The following OMA1 variants were observed in gnomAD, a reference collection of about 807,000 sequenced individuals.
OMA1 encodes the protein metalloendopeptidase OMA1, mitochondrial.
A neutral mutation model predicts 30.9 loss-of-function variants in OMA1; 38 were observed. The ratio of observed to expected loss-of-function variants is 1.23; its 90% CI spans 0.95 to 1.61. OMA1 has a LOEUF of 1.61. Among genes scored for constraint, OMA1 ranks in the 40% most tolerant of loss-of-function variants. The pLI, the probability that OMA1 is intolerant of heterozygous loss-of-function variation, is 0.00. For missense variants in OMA1, 461 were observed against 349.2 expected (o/e 1.32, Z -2.55); for synonymous variants, 173 against 121.9 (o/e 1.42, Z -2.76).
chr1:58,499,349 G>A (rs1032873040), intron 8 of OMA1, among the ~76,000 whole-genome samples: 7 of 147,810 alleles, frequency 4.7e-5, no homozygotes, highest in Non-Finnish European at 8.9e-5. Context: ...GCCAGGCATT[G>A]TGGTACATTC....
intron 7 of OMA1, among the ~76,000 whole-genome samples, chr1:58,526,337 GA>G (rs962308678): frequency 5.0e-4 from 76 of 152,212 alleles, no homozygotes; most frequent in Admixed American, 4.8e-3. Flanking sequence ...TAAAACTTAT[GA>G]GAGGTTCAAA....
intron 1 of OMA1, among the ~76,000 whole-genome samples, chr1:58,542,942 G>A (rs1646644063): frequency 6.6e-6 from 1 of 151,740 alleles, no homozygotes; most frequent in African/African-American, 2.4e-5. Context: ...GGGTGCTATG[G>A]CTAAACAAAG....
intron 8 of OMA1, among the ~76,000 whole-genome samples, chr1:58,493,921 A>G (rs2100385742): frequency 6.8e-6 from 1 of 147,984 alleles, no homozygotes; most frequent in East Asian, 1.9e-4. Context: ...AAACTACTTT[A>G]AAGTTCATAT....
At position 58,539,115 on chromosome 1, in the gene OMA1, CCTGTCACA is replaced by C; in HGVS notation, c.172_179del (p.Cys58ValfsTer12). The C allele has an allele frequency of 1.1e-6, 1 of 872,944 alleles. No homozygotes were observed. Among genetic ancestry groups the C allele is most frequent in the Non-Finnish European group, 2.0e-6 (1 of 501,640 alleles). The allele number at this position is 872,944 out of a possible 1,614,324, so 54.1% of individuals were successfully genotyped here. ...GAAAGTTTCCAGGCAGAAAACTCCA[CCTGTCACA>C]CTGATTTACTCCCAGTCCCTGATAC... On this transcript the variant is annotated frameshift_variant, in exon 2 of 9. Coordinates refer to ENST00000371226, the MANE Select transcript of OMA1 (RefSeq NM_145243.5). LOFTEE classifies it high-confidence loss of function.
chr1:58,521,987 G>C (rs1342767838), intron 7 of OMA1, among the ~76,000 whole-genome samples: 1 of 152,100 alleles, frequency 6.6e-6, no homozygotes. Flanking sequence ...TATCTCCTTT[G>C]AACATAGGAT....
intron 3 of OMA1, among the ~76,000 whole-genome samples, chr1:58,534,786 A>C (rs904351465): frequency 5.3e-5 from 8 of 152,130 alleles, no homozygotes; most frequent in African/African-American, 1.9e-4. Context: ...AACACAAAAA[A>C]TTAGCCAGGC....
At chr1:58,540,823 A>C (rs192093722) in intron 1 of OMA1, among the ~76,000 whole-genome samples, 17 of 152,024 alleles carry the variant, frequency 1.1e-4, no homozygotes, top group Admixed American at 8.5e-4. Context: ...CAGAAAAAAA[A>C]AACACTTGAA....
chr1:58,539,006 A>C lies in OMA1; in HGVS notation c.289T>G (p.Cys97Gly), dbSNP rs1646561750. Residue 97 changes from cysteine to glycine, a missense_variant, in exon 2 of 9, where the codon TGT becomes GGT. Coordinates refer to ENST00000371226, the MANE Select transcript of OMA1 (RefSeq NM_145243.5). ...GAAAAAGCATCATTCCATACAGTACATTTGCTGGTAATCCTCCAAATTTCC... is the reference window on the plus strand; with the variant it reads ...GAAAAAGCATCATTCCATACAGTACCTTTGCTGGTAATCCTCCAAATTTCC... ...SKEIWRITSK[C>G]TVWNDAFSRQ... is the part of the protein sequence containing the mutation. 2 of 872,840 alleles carry C rather than the reference A, an allele frequency of 2.3e-6. No individual in the cohort carries two copies. The highest frequency in any genetic ancestry group is 1.7e-5 in the Admixed American group (1 of 59,156). 54.1% of individuals were successfully genotyped at this position (872,840 alleles called of 1,614,324 possible).
chr1:58,480,843 G>A lies in OMA1; in HGVS notation c.*122C>T. The A allele has an allele frequency of 1.6e-6, 1 of 632,978 alleles. No homozygotes were observed. The highest frequency in any genetic ancestry group is 2.7e-6 in the Non-Finnish European group (1 of 376,694). 39.2% of individuals were successfully genotyped at this position (632,978 alleles called of 1,614,324 possible). ...GAAGAATTTAGATAATATCTGTAAT[G>A]TACATGATTTGACCCTGAATATCCT... is the stretch of plus-strand genomic sequence containing the variant. On this transcript the variant is annotated 3_prime_UTR_variant, in exon 9 of 9. Transcript: ENST00000371226.
intron 7 of OMA1, among the ~76,000 whole-genome samples, chr1:58,522,755 T>G (rs780193949): frequency 6.6e-6 from 1 of 152,206 alleles, no homozygotes; most frequent in Non-Finnish European, 1.5e-5. Flanking sequence ...TATACTGTAT[T>G]CTTACAATAA....
At chr1:58,504,294 T>A (rs1227673555) in intron 8 of OMA1, among the ~76,000 whole-genome samples, 1 of 152,196 alleles carries the variant, frequency 6.6e-6, no homozygotes, top group Non-Finnish European at 1.5e-5. Context: ...CCCAATGTCT[T>A]CCTTGCTATT....
At chr1:58,506,302 T>G (rs1247662971) in intron 7 of OMA1, 93 bp from the exon 8 acceptor site, 2 of 667,662 alleles carry the variant, frequency 3.0e-6, no homozygotes, top group African/African-American at 3.6e-5. Context: ...CTATTATAAT[T>G]ATACTTTAAG....
intron 2 of OMA1, among the ~76,000 whole-genome samples, chr1:58,538,172 T>C (rs1055380689): frequency 1.3e-5 from 2 of 152,198 alleles, no homozygotes; most frequent in South Asian, 2.1e-4. Context: ...AAACAGTGAT[T>C]AGCTTTCTTC....
chr1:58,522,371 C>T (rs1255346952), intron 7 of OMA1, among the ~76,000 whole-genome samples: 2 of 151,952 alleles, frequency 1.3e-5, no homozygotes, highest in East Asian at 1.9e-4. Context: ...AATATATATA[C>T]ATAATTTTTT....
intron 7 of OMA1, among the ~76,000 whole-genome samples, chr1:58,521,229 T>A (rs1012656620): frequency 2.6e-5 from 4 of 151,706 alleles, no homozygotes; most frequent in African/African-American, 9.7e-5. Flanking sequence ...AAAACAAGAA[T>A]ACATTTTAAA....
intron 8 of OMA1, among the ~76,000 whole-genome samples, chr1:58,503,592 T>C (rs1247644360): frequency 6.6e-6 from 1 of 152,120 alleles, no homozygotes; most frequent in Non-Finnish European, 1.5e-5. Context: ...GCGATTGTCA[T>C]AAGGGTGGAG....
At chr1:58,514,056 G>T (rs1181070463) in intron 7 of OMA1, among the ~76,000 whole-genome samples, 1 of 152,104 alleles carries the variant, frequency 6.6e-6, no homozygotes, top group African/African-American at 2.4e-5. Flanking sequence ...GCCATTCCAG[G>T]ACTCAGAACA....
chr1:58,539,165 T>C lies in OMA1; in HGVS notation c.130A>G (p.Asn44Asp), dbSNP rs1414081589. 2 of 872,868 alleles carry C rather than the reference T, an allele frequency of 2.3e-6. No homozygotes were observed. The highest frequency in any genetic ancestry group is 4.0e-6 in the Non-Finnish European group (2 of 501,660). 54.1% of individuals were successfully genotyped at this position (872,868 alleles called of 1,614,324 possible). ...CCCTGATACTTATTTACTATATGGT[T>C]AACTTGTACTTGATGACAGCCCCGT... ...TSRGCHQVQV[N>D]HIVNKYQGLG... Residue 44 changes from asparagine to aspartate, a missense_variant, in exon 2 of 9, where the codon AAC becomes GAC. Physicochemically the swap from Asn to Asp is conservative, Grantham distance 23 (BLOSUM62 1). Coordinates refer to ENST00000371226, the MANE Select transcript of OMA1 (RefSeq NM_145243.5).
rs17117670 is a variant in OMA1, at chr1:58,533,161, C to A, written c.1011+792G>T. On this transcript the variant is annotated intron_variant, in intron 5 of 8. Transcript: ENST00000371226. ...GTGTGAAACAGATGTGTTATTTTTC[C>A]TGGACTTATATCAAGATGAACAGAC... is the stretch of plus-strand genomic sequence containing the variant. Among the ~76,000 whole-genome samples the A allele has an allele frequency of 9.5e-3, 1,437 of 152,050 alleles. 21 individuals carry two copies. Among genetic ancestry groups the A allele is most frequent in the African/African-American group, 0.032 (1,341 of 41,460 alleles).
Sources: gnomAD v4.1 joint callset for allele counts (sites outside exome capture counted in the v4.1 genomes callset) on GRCh38, gnomAD v4.1.1 for gene constraint, MANE v1.5 for transcripts, NCBI Gene and HGNC (gene_info 2026-07-23, HGNC 2026-07-21) for gene names.